The following FRMD5 variants were observed in gnomAD, a reference collection of about 807,000 sequenced individuals.
FRMD5 encodes the protein FERM domain containing 5.
FRMD5 carries 20 observed loss-of-function variants against 69.0 expected under a neutral mutation model. The ratio of observed to expected loss-of-function variants is 0.29; its 90% confidence interval spans 0.20 to 0.42. The LOEUF is 0.42. Among genes scored for constraint, FRMD5 ranks in the 10% least tolerant of loss-of-function variants. The probability of loss-of-function intolerance (pLI) is 1.00; values close to 1 mark genes in which losing one functional copy is unlikely to be tolerated. For missense variants in FRMD5, 595 were observed against 708.6 expected (o/e 0.84, Z 1.82); for synonymous variants, 271 against 260.1 (o/e 1.04, Z -0.40).
chr15:44,027,639 G>GTTTTTTTTTTTTTTTTTTT (rs767882395), intron 1 of FRMD5, among the ~76,000 whole-genome samples: 1 of 27,050 alleles, frequency 3.7e-5, no homozygotes, highest in Admixed American at 7.8e-4. Flanking sequence ...TTCTTTTCTA[G>GTTTTTTTTTTTTTTTTTTT]TTTTTTTTTT....
chr15:44,118,810 C>T (rs2076906251), intron 1 of FRMD5, among the ~76,000 whole-genome samples: 1 of 152,148 alleles, frequency 6.6e-6, no homozygotes, highest in Admixed American at 6.5e-5. Flanking sequence ...GGATCTTGCT[C>T]TATCACCCAG....
In FRMD5 at chr15:44,064,617, G is replaced by T. The variant is rs560702950; in HGVS notation, c.102+130336C>A. On this transcript the variant is annotated intron_variant, in intron 1 of 13. Transcript: ENST00000417257. ...AAAACAAAACAAAACAAAACACATT[G>T]CCTCTACCTCCCCCTTTAGAGGAGC... Among the ~76,000 whole-genome samples, 29 of 152,110 alleles carry T rather than the reference G, an allele frequency of 1.9e-4. No individual in the cohort carries two copies. The East Asian group carries it at 4.1e-3, about 21-fold the overall frequency.
chr15:44,052,884 G>A (rs1448977883), intron 1 of FRMD5, among the ~76,000 whole-genome samples: 1 of 152,112 alleles, frequency 6.6e-6, no homozygotes, highest in African/African-American at 2.4e-5. Flanking sequence ...CTAGGTGATG[G>A]GGATGTAACA....
chr15:44,147,079 A>T (rs988509144), intron 1 of FRMD5, among the ~76,000 whole-genome samples: 8 of 152,172 alleles, frequency 5.3e-5, no homozygotes, highest in Admixed American at 5.2e-4. Flanking sequence ...TATGTCCTGA[A>T]TGGTATTGCC....
At chr15:43,937,509 G>A (rs967017407) in intron 1 of FRMD5, among the ~76,000 whole-genome samples, 4 of 152,108 alleles carry the variant, frequency 2.6e-5, no homozygotes, top group East Asian at 1.9e-4. Context: ...GTGATGGTAC[G>A]TGCCTGTAAT....
chr15:44,160,578 T>C (rs1162438301), intron 1 of FRMD5, among the ~76,000 whole-genome samples: 1 of 152,222 alleles, frequency 6.6e-6, no homozygotes, highest in Non-Finnish European at 1.5e-5. Context: ...TAATTAACAA[T>C]ATGGTGAGCA....
intron 1 of FRMD5, among the ~76,000 whole-genome samples, chr15:44,094,436 C>G (rs959103443): frequency 6.6e-6 from 1 of 152,132 alleles, no homozygotes; most frequent in African/African-American, 2.4e-5. Flanking sequence ...AGCTCGAGTT[C>G]TTCTCAGACA....
At chr15:44,098,910 T>G (rs1196129336) in intron 1 of FRMD5, among the ~76,000 whole-genome samples, 1 of 152,238 alleles carries the variant, frequency 6.6e-6, no homozygotes, top group Admixed American at 6.5e-5. Context: ...ATAAAGATAA[T>G]TGATTTGCAA....
chr15:44,037,845 G>A (rs2140304332), intron 1 of FRMD5, among the ~76,000 whole-genome samples: 2 of 152,160 alleles, frequency 1.3e-5, no homozygotes, highest in South Asian at 4.2e-4. Context: ...TGGTCAAATG[G>A]TATTTCTGGT....
At chr15:44,149,949 G>A (rs1218471320) in intron 1 of FRMD5, among the ~76,000 whole-genome samples, 4 of 151,930 alleles carry the variant, frequency 2.6e-5, no homozygotes, top group Admixed American at 2.6e-4. Flanking sequence ...CATAGCAAAA[G>A]GATTATACAA....
chr15:44,063,891 C>T (rs879386253), intron 1 of FRMD5: 22 of 268,694 alleles, frequency 8.2e-5, no homozygotes, highest in East Asian at 8.0e-4. Context: ...CCTCTGTCGA[C>T]GTCCCCATGT....
intron 13 of FRMD5, among the ~76,000 whole-genome samples, chr15:43,882,761 A>T (rs545641724): frequency 8.5e-5 from 13 of 152,270 alleles, no homozygotes; most frequent in African/African-American, 2.6e-4. Context: ...AGCCATCCTG[A>T]TAATTTTACT....
chr15:44,029,430 T>A (rs752624111), intron 1 of FRMD5, among the ~76,000 whole-genome samples: 5 of 152,226 alleles, frequency 3.3e-5, no homozygotes, highest in Non-Finnish European at 7.3e-5. Context: ...ACCAATAAAC[T>A]AACTCTGGTG....
At chr15:44,012,552 C>T (rs1482140606) in intron 1 of FRMD5, among the ~76,000 whole-genome samples, 5 of 152,064 alleles carry the variant, frequency 3.3e-5, no homozygotes, top group African/African-American at 1.2e-4. Context: ...CTTTCAAAAC[C>T]GGTCACTAAC....
intron 1 of FRMD5, among the ~76,000 whole-genome samples, chr15:43,948,258 G>C (rs142895654): frequency 5.0e-4 from 76 of 152,254 alleles, no homozygotes; most frequent in African/African-American, 1.8e-3. Flanking sequence ...AAGTTGACAG[G>C]ATAAAAGGGA....
chr15:44,122,023 A>T (rs1415749207), intron 1 of FRMD5, among the ~76,000 whole-genome samples: 1 of 151,468 alleles, frequency 6.6e-6, no homozygotes, highest in East Asian at 1.9e-4. Flanking sequence ...AAGAAATAGT[A>T]TACTTTTCAC....
intron 1 of FRMD5, among the ~76,000 whole-genome samples, chr15:44,080,336 T>G (rs990283242): frequency 6.6e-6 from 1 of 152,070 alleles, no homozygotes; most frequent in East Asian, 1.9e-4. Flanking sequence ...TACGTATATA[T>G]AACAATGATC....
intron 1 of FRMD5, among the ~76,000 whole-genome samples, chr15:44,137,219 T>C (rs1396739420): frequency 6.6e-6 from 1 of 152,240 alleles, no homozygotes; most frequent in Non-Finnish European, 1.5e-5. Context: ...TGCCAAGTGC[T>C]GGCTACAGGA....
chr15:44,054,970 T>C (rs1453123849), intron 1 of FRMD5, among the ~76,000 whole-genome samples: 1 of 150,804 alleles, frequency 6.6e-6, no homozygotes, highest in Non-Finnish European at 1.5e-5. Flanking sequence ...CTCAGGAGGC[T>C]GAGGCAGGAG....
Sources: gnomAD v4.1 joint callset for allele counts (sites outside exome capture counted in the v4.1 genomes callset) on GRCh38, gnomAD v4.1.1 for gene constraint, MANE v1.5 for transcripts, NCBI Gene and HGNC (gene_info 2026-07-23, HGNC 2026-07-21) for gene names.